Variants in MGP observed in about 807,000 individuals in gnomAD.
MGP encodes cell growth-inhibiting gene 36 protein.
In MGP, 13 loss-of-function variants were observed where a neutral mutation model predicts 14.5. The observed-to-expected ratio is 0.89, with a 90% confidence interval of 0.58 to 1.42. The LOEUF (loss-of-function observed/expected upper bound fraction) is 1.42, where lower values mean the gene tolerates loss of function less well. Ranked by LOEUF, MGP falls within the 40% of genes most tolerant of loss-of-function variation. The pLI, the probability that MGP is intolerant of heterozygous loss-of-function variation, is 0.00. For synonymous variants in MGP, 44 were observed against 46.3 expected (o/e 0.95, Z 0.20); for missense variants, 128 against 133.7 (o/e 0.96, Z 0.21).
At chr12:14,884,698 G>A (rs1442792512) in intron 1 of MGP, 4 of 763,200 alleles carry the variant, frequency 5.2e-6, no homozygotes, top group Middle Eastern at 2.5e-4. Context: ...GAACTACAGG[G>A]CAGTTGCTCT....
rs779200169 is a variant in MGP at position 14,883,065 on chromosome 12, A to G, written c.95-18T>C. 12 of 1,561,068 alleles carry G rather than the reference A, an allele frequency of 7.7e-6. No homozygotes were observed. Among genetic ancestry groups the G allele is most frequent in the Non-Finnish European group, 1.1e-5 (12 of 1,131,834 alleles). On this transcript the variant is annotated intron_variant, in intron 2 of 3. Coordinates refer to ENST00000539261, the MANE Select transcript of MGP (RefSeq NM_000900.5). ...GAAGGGATCTTAGAACAGAAAATAA[A>G]TAAATGCAGTTTTAGCGACACATAG...
chr12:14,884,111 T>G (rs1175336979), intron 2 of MGP, 102 bp downstream of exon 2: 2 of 970,476 alleles, frequency 2.1e-6, no homozygotes, highest in African/African-American at 1.7e-5. Flanking sequence ...AGAGGCCCCC[T>G]TTTCCCTCCC....
chr12:14,883,131 T>A (rs1053557531), intron 2 of MGP, 84 bp from the exon 3 acceptor site: 42 of 1,095,732 alleles, frequency 3.8e-5, no homozygotes, highest in Non-Finnish European at 5.3e-5. Flanking sequence ...ACAAATATAT[T>A]TGAAAGTGCC....
chr12:14,884,118 T>C (rs1429023057), intron 2 of MGP, 95 bp downstream of exon 2: 7 of 1,016,046 alleles, frequency 6.9e-6, no homozygotes, highest in Non-Finnish European at 9.9e-6. Flanking sequence ...CCCTTTTCCC[T>C]CCCTGTTATA....
Position 14,882,963 on chromosome 12 carries a change from G to C in MGP, c.170+9C>G. On this transcript the variant is annotated intron_variant, in intron 3 of 3. Coordinates refer to ENST00000539261, the MANE Select transcript of MGP (RefSeq NM_000900.5). ...AAATGACCACTCCTCATGAAGTTTT[G>C]TTACTGACCTCTCTTGGACTTTAGC... The C allele has an allele frequency of 6.2e-7, 1 of 1,600,452 alleles. No homozygotes were observed.
At chr12:14,882,377 ATGCCCCCCT>A in intron 3 of MGP, 97 bp from the exon 4 acceptor site, 1 of 1,400,248 alleles carries the variant, frequency 7.1e-7, no homozygotes, top group Non-Finnish European at 1.0e-6. Context: ...CTTTCTCTCC[ATGCCCCCCT>A]ATATTAAGAG....
chr12:14,884,323 C>CT (rs777543232), intron 1 of MGP, 78 bp from the exon 2 acceptor site: 389 of 979,072 alleles, frequency 4.0e-4, no homozygotes, highest in Admixed American at 9.4e-4. Flanking sequence ...AATTTAGACA[C>CT]TGTGATAGTT....
In MGP at chr12:14,882,281, C is replaced by T; in HGVS notation, c.171-1G>A. ...GACAGGCTTAGAGCGTTCTCGGATCCTAGAAAGTGGAAGAAGAGGCCAAAA... is the reference window on the plus strand; with the variant it reads ...GACAGGCTTAGAGCGTTCTCGGATCTTAGAAAGTGGAAGAAGAGGCCAAAA... On this transcript the variant is annotated splice_acceptor_variant, in intron 3 of 3. Transcript: ENST00000539261. LOFTEE classifies it high-confidence loss of function. 6.2e-7 allele frequency: 1 copy of T among 1,613,802 alleles called. No individual in the cohort carries two copies. Among genetic ancestry groups the T allele is most frequent in the Non-Finnish European group, 8.5e-7 (1 of 1,179,942 alleles).
intron 1 of MGP, 55 bp from the exon 2 acceptor site, chr12:14,884,300 GTTA>G (rs1322106425): frequency 8.6e-7 from 1 of 1,169,146 alleles, no homozygotes; most frequent in Non-Finnish European, 1.2e-6. Flanking sequence ...GATTCATTAT[GTTA>G]TTATTTATCA....
chr12:14,882,713 A>ATTTTT (rs10625024), intron 3 of MGP, among the ~76,000 whole-genome samples: 1 of 128,392 alleles, frequency 7.8e-6, no homozygotes, highest in African/African-American at 2.9e-5. Flanking sequence ...AGAACAGGAG[A>ATTTTT]TTTTTTTTTT....
chr12:14,885,738 C>A lies in MGP; in HGVS notation c.54G>T (p.Leu18Phe), dbSNP rs781482134. 1 of 1,613,586 alleles carries A rather than the reference C, an allele frequency of 6.2e-7. No homozygotes were observed. Among genetic ancestry groups the A allele is most frequent in the East Asian group, 2.2e-5 (1 of 44,852 alleles). ...GGGAGAAAAGTTTCTCACCATAACA[C>A]AAAGTTACTACCGCTAAGGCGGCCA... ...AILAALAVVT[L>F]CYESHESMES... Residue 18 changes from leucine to phenylalanine, a missense_variant, in exon 1 of 4, where the codon TTG (leucine) becomes TTT (phenylalanine). Transcript: ENST00000539261.
intron 1 of MGP, among the ~76,000 whole-genome samples, chr12:14,885,454 T>C (rs1267993992): frequency 6.6e-6 from 1 of 152,226 alleles, no homozygotes; most frequent in East Asian, 1.9e-4. Context: ...GGGAATTTGG[T>C]ATCTTCTTTC....
In MGP at chr12:14,884,253, T is replaced by A. The variant is rs1299591287; in HGVS notation, c.62-8A>T. 4.0e-6 allele frequency: 5 copies of A among 1,240,290 alleles called. No homozygotes were observed. The highest frequency in any genetic ancestry group is 4.3e-5 in the Admixed American group (2 of 46,906). The allele number at this position is 1,240,290 out of a possible 1,614,324, so 76.8% of individuals were successfully genotyped here. Reference sequence around the variant, plus strand: ...CCATGCTTTCATGTGATTCTGAAATTAAAAAAAAAAGATTCATTATATCAA... The same window carrying A: ...CCATGCTTTCATGTGATTCTGAAATAAAAAAAAAAAGATTCATTATATCAA... On this transcript the variant is annotated splice_polypyrimidine_tract_variant and splice_region_variant and intron_variant, in intron 1 of 3. Transcript: ENST00000539261.
chr12:14,882,885 T>C (rs1280916175), intron 3 of MGP, 87 bp downstream of exon 3: 1 of 859,940 alleles, frequency 1.2e-6, no homozygotes, highest in Non-Finnish European at 2.0e-6. Flanking sequence ...ATAATGTATA[T>C]GATGAAAAAG....
chr12:14,881,607 G>T lies in MGP; in HGVS notation c.*532C>A. 6.5e-6 allele frequency: 1 copy of T among 153,586 alleles called. No homozygotes were observed. The highest frequency in any genetic ancestry group is 1.4e-5 in the Non-Finnish European group (1 of 69,128). 9.5% of individuals were successfully genotyped at this position (153,586 alleles called of 1,614,324 possible). Reference sequence around the variant, plus strand: ...TTGATTCAGAAATGTTTTTGACTTTGATGCATAAGAGATGAAAAGCAAATG... The same window carrying T: ...TTGATTCAGAAATGTTTTTGACTTTTATGCATAAGAGATGAAAAGCAAATG... On this transcript the variant is annotated 3_prime_UTR_variant, in exon 4 of 4. Transcript: ENST00000539261.
Position 14,880,917 on chromosome 12 carries a change from C to A in MGP, c.*1222G>T, listed in dbSNP as rs567637028. Among the ~76,000 whole-genome samples, 1 of 152,150 alleles carries A rather than the reference C, an allele frequency of 6.6e-6. No individual in the cohort carries two copies. Among genetic ancestry groups the A allele is most frequent in the African/African-American group, 2.4e-5 (1 of 41,520 alleles). The stretch of plus-strand genomic sequence containing the variant: ...AGTGGAACAAAGGTAAGAATTACAA[C>A]AAATTTTATATCGAAAAATTGTGCA... On this transcript the variant is annotated 3_prime_UTR_variant, in exon 4 of 4. Coordinates refer to ENST00000539261, the MANE Select transcript of MGP (RefSeq NM_000900.5).
Position 14,882,211 on chromosome 12 carries a change from T to C in MGP, c.240A>G (p.Glu80=). 6.2e-7 allele frequency: 1 copy of C among 1,614,076 alleles called. No individual in the cohort carries two copies. Among genetic ancestry groups the C allele is most frequent in the Non-Finnish European group, 8.5e-7 (1 of 1,179,984 alleles). Reference sequence around the variant, plus strand: ...TGTATCCATAAACCATGGCGTAGCGTTCGCAAAGTCTGTAGTCATCACAGG... The same window carrying C: ...TGTATCCATAAACCATGGCGTAGCGCTCGCAAAGTCTGTAGTCATCACAGG... ...REACDDYRLC[E]RYAMVYGYNA... Residue 80 remains glutamate (E), a synonymous_variant, in exon 4 of 4, where the codon GAA becomes GAG. Coordinates refer to ENST00000539261, the MANE Select transcript of MGP (RefSeq NM_000900.5).
At position 14,882,277 on chromosome 12, in the gene MGP, G is replaced by A; in HGVS notation, c.174C>T (p.Ile58=). The A allele has an allele frequency of 4.3e-6, 7 of 1,614,060 alleles. No homozygotes were observed. The highest frequency in any genetic ancestry group is 5.9e-6 in the Non-Finnish European group (7 of 1,179,994). ...QRWRAKVQER[I]RERSKPVHEL... ...CGTGGACAGGCTTAGAGCGTTCTCG[G>A]ATCCTAGAAAGTGGAAGAAGAGGCC... Residue 58 remains isoleucine (I), a synonymous_variant, in exon 4 of 4, where the codon ATC becomes ATT. Coordinates refer to ENST00000539261, the MANE Select transcript of MGP (RefSeq NM_000900.5).
At chr12:14,883,886 G>T (rs372786392) in intron 2 of MGP, 3 of 214,590 alleles carry the variant, frequency 1.4e-5, no homozygotes, top group South Asian at 8.6e-5. Context: ...CTGACTTGGC[G>T]TCCAGCTCTG....
Sources: gnomAD v4.1 joint callset for allele counts (sites outside exome capture counted in the v4.1 genomes callset) on GRCh38, gnomAD v4.1.1 for gene constraint, MANE v1.5 for transcripts, NCBI Gene and HGNC (gene_info 2026-07-23, HGNC 2026-07-21) for gene names.